Variants in MINAR2 observed in about 807,000 individuals in gnomAD.
The protein encoded by MINAR2 is membrane integral NOTCH2 associated receptor 2.
MINAR2 carries 21 observed loss-of-function variants against 16.1 expected under a neutral mutation model. The ratio of observed to expected loss-of-function variants is 1.31; its 90% confidence interval spans 0.93 to 1.88. MINAR2 has a LOEUF of 1.88. MINAR2 is among the 40% of genes most tolerant of loss of function. MINAR2 has a pLI of 0.00. For synonymous variants in MINAR2, 86 were observed against 83.0 expected (o/e 1.04, Z -0.20); for missense variants, 259 against 229.8 (o/e 1.13, Z -0.82).
chr5:129,758,336 G>A (rs551732309), intron 1 of MINAR2, among the ~76,000 whole-genome samples: 7 of 151,870 alleles, frequency 4.6e-5, no homozygotes, highest in South Asian at 2.1e-4. Flanking sequence ...AACCAAAAGC[G>A]TATTGCTTAT....
Position 129,764,988 on chromosome 5 carries a change from T to C in MINAR2, c.498T>C (p.Cys166=). Residue 166 remains cysteine (C), a synonymous_variant, in exon 3 of 3, where the codon TGT becomes TGC. Transcript: ENST00000564719. ...EEKQEKHSKF[C]RMGLILLVVI... is the part of the protein sequence containing the mutation. ...AACAAGAGAAGCATTCAAAATTCTG[T>C]CGTATGGGTCTGATTTTACTTGTCG... The C allele has an allele frequency of 1.4e-6, 2 of 1,397,634 alleles. No homozygotes were observed. The highest frequency in any genetic ancestry group is 2.6e-5 in the Admixed American group (1 of 37,934). The allele number at this position is 1,397,634 out of a possible 1,614,324, so 86.6% of individuals were successfully genotyped here.
chr5:129,762,112 G>T (rs189174219), intron 2 of MINAR2, among the ~76,000 whole-genome samples: 1 of 151,834 alleles, frequency 6.6e-6, no homozygotes, highest in African/African-American at 2.4e-5. Context: ...GCAAACCACC[G>T]TGGCACAGGT....
Position 129,748,446 on chromosome 5 carries a change from AG to A in MINAR2, c.165+93del, listed in dbSNP as rs1480172513. On this transcript the variant is annotated intron_variant, in intron 1 of 2. Transcript: ENST00000564719. ...ACCATTTATGCAACAAGAAGCCTAT[AG>A]GAACAGAGTACAAGGTAGCTGCTCT... The A allele has an allele frequency of 2.2e-6, 3 of 1,337,876 alleles. No homozygotes were observed. In the African/African-American group the frequency reaches 4.4e-5, roughly 20 times the overall value. The allele number at this position is 1,337,876 out of a possible 1,614,324, so 82.9% of individuals were successfully genotyped here.
rs547656737 is a variant in MINAR2, at chr5:129,749,768, T to A, written c.165+1413T>A. On this transcript the variant is annotated intron_variant, in intron 1 of 2. Coordinates refer to ENST00000564719, the MANE Select transcript of MINAR2 (RefSeq NM_001257308.2). ...CATTGATCTAACATCTTTTGTTTGG[T>A]ACTGAAGTTGACCTATTTCCTTCAT... Among the ~76,000 whole-genome samples, 5 of 152,300 alleles carry A rather than the reference T, an allele frequency of 3.3e-5. No homozygotes were observed. In the South Asian group the frequency reaches 8.3e-4, roughly 25 times the overall value.
intron 1 of MINAR2, 105 bp downstream of exon 1, chr5:129,748,460 AG>A: frequency 8.7e-7 from 1 of 1,155,824 alleles, no homozygotes. Flanking sequence ...ACAGAGTACA[AG>A]GTAGCTGCTC....
chr5:129,753,215 T>C (rs1758007940), intron 1 of MINAR2, among the ~76,000 whole-genome samples: 1 of 152,016 alleles, frequency 6.6e-6, no homozygotes, highest in Non-Finnish European at 1.5e-5. Flanking sequence ...CCGGGTGCCA[T>C]GGCTCATGCT....
At chr5:129,760,693 A>AC in intron 2 of MINAR2, 88 bp downstream of exon 2, 1 of 974,152 alleles carries the variant, frequency 1.0e-6, no homozygotes, top group Non-Finnish European at 1.5e-6. Context: ...AGTGACAGGT[A>AC]CTCTTCACTA....
chr5:129,757,149 G>T (rs888872549), intron 1 of MINAR2, among the ~76,000 whole-genome samples: 2 of 151,460 alleles, frequency 1.3e-5, no homozygotes, highest in African/African-American at 2.4e-5. Context: ...TGAGATGTGT[G>T]TAGTGTCACA....
intron 1 of MINAR2, among the ~76,000 whole-genome samples, chr5:129,756,628 C>T (rs9327535): frequency 0.17 from 25,477 of 151,804 alleles, 2,340 homozygotes; most frequent in East Asian, 0.3. Context: ...TCCAATCTCA[C>T]CCAGGTTCTT....
chr5:129,762,263 G>T (rs555581665), intron 2 of MINAR2, among the ~76,000 whole-genome samples: 1 of 151,846 alleles, frequency 6.6e-6, no homozygotes, highest in Non-Finnish European at 1.5e-5. Context: ...TAAAATAAAA[G>T]TTCACAAAAA....
intron 1 of MINAR2, among the ~76,000 whole-genome samples, chr5:129,751,032 G>T (rs146292612): frequency 2.6e-4 from 39 of 152,136 alleles, no homozygotes; most frequent in African/African-American, 9.2e-4. Context: ...TCAAACTCGG[G>T]GTAACTCAGC....
At chr5:129,751,432 C>T (rs1281944619) in intron 1 of MINAR2, among the ~76,000 whole-genome samples, 1 of 152,128 alleles carries the variant, frequency 6.6e-6, no homozygotes, top group Non-Finnish European at 1.5e-5. Flanking sequence ...TGGCCTCGAA[C>T]TCCTGCCTCA....
chr5:129,749,838 C>T (rs1035811445), intron 1 of MINAR2, among the ~76,000 whole-genome samples: 3 of 152,094 alleles, frequency 2.0e-5, no homozygotes, highest in African/African-American at 7.2e-5. Flanking sequence ...TGTTCCTAAA[C>T]CTAAATGAAA....
In MINAR2 at chr5:129,760,550, C is replaced by G. The variant is rs1758120579; in HGVS notation, c.338C>G (p.Thr113Ser). The G allele has an allele frequency of 6.5e-7, 1 of 1,535,464 alleles. No homozygotes were observed. The highest frequency in any genetic ancestry group is 1.2e-5 in the South Asian group (1 of 84,046). ...MEERKKNPSWTIEEYDKHSLH... is the reference protein window; with the variant it reads ...MEERKKNPSWSIEEYDKHSLH... ...GAAAGAAAAAAGAACCCCTCATGGACCATTGAGGAATATGACAAACATTCC... is the reference window on the plus strand; with the variant it reads ...GAAAGAAAAAAGAACCCCTCATGGAGCATTGAGGAATATGACAAACATTCC... Residue 113 changes from threonine (T) to serine (S), a missense_variant, in exon 2 of 3, where the codon ACC (threonine) becomes AGC (serine). Coordinates refer to ENST00000564719, the MANE Select transcript of MINAR2 (RefSeq NM_001257308.2).
At chr5:129,762,385 T>G (rs2149546957) in intron 2 of MINAR2, 1 of 180,454 alleles carries the variant, frequency 5.5e-6, no homozygotes, top group African/African-American at 2.4e-5. Context: ...TTCATTTTTC[T>G]GATTACCAGG....
rs1758217301 is a variant in MINAR2 at position 129,766,619 on chromosome 5, AGAGT to A, written c.*1560_*1563del. Reference sequence around the variant, plus strand: ...GCCACTGCACTCTAGCCTGGGTGACAGAGTGAGACTTCCATAAAAAAAAAAAAAA... The same window carrying A: ...GCCACTGCACTCTAGCCTGGGTGACAGAGACTTCCATAAAAAAAAAAAAAA... On this transcript the variant is annotated 3_prime_UTR_variant, in exon 3 of 3. Coordinates refer to ENST00000564719, the MANE Select transcript of MINAR2 (RefSeq NM_001257308.2). 1 of 139,628 alleles carries A rather than the reference AGAGT, an allele frequency of 7.2e-6. No homozygotes were observed. Among genetic ancestry groups the A allele is most frequent in the South Asian group, 2.4e-4 (1 of 4,096 alleles). The allele number at this position is 139,628 out of a possible 1,614,324, so 8.6% of individuals were successfully genotyped here. A position where few individuals can be genotyped will look rare whatever the true frequency, so the allele number is the denominator to read the frequency against.
chr5:129,764,386 G>C (rs969464208), intron 2 of MINAR2, among the ~76,000 whole-genome samples: 3 of 152,158 alleles, frequency 2.0e-5, no homozygotes, highest in African/African-American at 7.2e-5. Flanking sequence ...TTCCATGAAA[G>C]TCAGCTTCCG....
At chr5:129,748,823 C>T (rs1325867047) in intron 1 of MINAR2, among the ~76,000 whole-genome samples, 2 of 152,032 alleles carry the variant, frequency 1.3e-5, no homozygotes, top group Non-Finnish European at 2.9e-5. Context: ...ATAGCATACA[C>T]AGAAGACTTA....
intron 2 of MINAR2, among the ~76,000 whole-genome samples, chr5:129,763,791 G>T (rs1202257034): frequency 6.6e-6 from 1 of 152,154 alleles, no homozygotes; most frequent in Admixed American, 6.6e-5. Flanking sequence ...ATACATGCAT[G>T]CACATTCCTC....
Sources: gnomAD v4.1 joint callset for allele counts (sites outside exome capture counted in the v4.1 genomes callset) on GRCh38, gnomAD v4.1.1 for gene constraint, MANE v1.5 for transcripts, NCBI Gene and HGNC (gene_info 2026-07-23, HGNC 2026-07-21) for gene names.